Variants in HSP90AA1 observed in about 807,000 individuals in gnomAD.
The protein encoded by HSP90AA1 is heat shock protein 90 alpha family class A member 1.
HSP90AA1 carries 18 observed loss-of-function variants against 73.3 expected under a neutral mutation model. The observed-to-expected ratio is 0.25, with a 90% CI of 0.17 to 0.36. HSP90AA1 has a LOEUF of 0.36. Ranked by LOEUF, HSP90AA1 falls within the 10% of genes least tolerant of loss-of-function variation. The probability of loss-of-function intolerance (pLI) is 1.00; values close to 1 mark genes in which losing one functional copy is unlikely to be tolerated. For synonymous variants in HSP90AA1, 477 were observed against 296.9 expected, an observed-to-expected ratio of 1.61 and a Z score of -6.24; for missense variants, 704 against 874.2, an observed-to-expected ratio of 0.81 and a Z score of 2.45.
At chr14:102,101,937 T>C (rs1245247765) in exon 2 of HSP90AA1, 4 of 1,614,192 alleles carry the variant, frequency 2.5e-6, no homozygotes, top group South Asian at 2.2e-5. Flanking sequence ...GCACCTTGGC[T>C]CTGTCTGAAG....
chr14:102,139,338 G>A, exon 1 of HSP90AA1: 1 of 1,613,028 alleles, frequency 6.2e-7, no homozygotes, highest in Non-Finnish European at 8.5e-7. Context: ...CTCTGGGCGG[G>A]ACAGTCCCTG....
chr14:102,138,313 T>G (rs1053345037), intron 1 of HSP90AA1, among the ~76,000 whole-genome samples: 2 of 152,190 alleles, frequency 1.3e-5, no homozygotes, highest in Non-Finnish European at 2.9e-5. Context: ...ATCCTTCAAG[T>G]TGATTATTGT....
At chr14:102,118,962 C>T (rs1170455195) in intron 1 of HSP90AA1, among the ~76,000 whole-genome samples, 4 of 150,206 alleles carry the variant, frequency 2.7e-5, no homozygotes, top group Non-Finnish European at 5.9e-5. Context: ...TCAAGTGATT[C>T]TCCCACCTCA....
intron 1 of HSP90AA1, among the ~76,000 whole-genome samples, chr14:102,123,210 G>C (rs2049800374): frequency 6.6e-6 from 1 of 151,678 alleles, no homozygotes; most frequent in Non-Finnish European, 1.5e-5. Context: ...GCTTGACCAA[G>C]ATGGTGAAAC....
intron 1 of HSP90AA1, among the ~76,000 whole-genome samples, chr14:102,086,674 C>G (rs900089840): frequency 3.3e-5 from 5 of 150,888 alleles, no homozygotes; most frequent in South Asian, 2.1e-4. Context: ...CCACGGCGGC[C>G]TCCTCCGCCT....
At position 102,111,569 on chromosome 14, in the gene HSP90AA1, T is replaced by C. The variant is rs576445442; in HGVS notation, c.156-9484A>G. On this transcript the variant is annotated intron_variant, in intron 1 of 11. Transcript: ENST00000334701. ...GGAGAAACTGGCCCAAAACAAAGCATATCCTTTCACAGCTTCTTGAGAAGG... is the reference window on the plus strand; with the variant it reads ...GGAGAAACTGGCCCAAAACAAAGCACATCCTTTCACAGCTTCTTGAGAAGG... 4.6e-5 allele frequency among the ~76,000 whole-genome samples: 7 copies of C among 152,330 alleles called. 1 individual carries two copies. In the South Asian group the frequency reaches 1.5e-3, roughly 32 times the overall value.
intron 1 of HSP90AA1, among the ~76,000 whole-genome samples, chr14:102,123,369 C>A (rs1423875337): frequency 7.2e-5 from 11 of 152,036 alleles, no homozygotes; most frequent in Admixed American, 7.2e-4. Flanking sequence ...GTCTGGGCAA[C>A]AGAGCGAGAC....
chr14:102,115,454 A>G (rs999042740), intron 1 of HSP90AA1, among the ~76,000 whole-genome samples: 7 of 152,354 alleles, frequency 4.6e-5, no homozygotes, highest in Non-Finnish European at 1.0e-4. Context: ...TGGATTGAAG[A>G]GTACGTACAT....
intron 1 of HSP90AA1, among the ~76,000 whole-genome samples, chr14:102,110,662 C>G (rs1043683471): frequency 6.6e-6 from 1 of 151,438 alleles, no homozygotes; most frequent in Admixed American, 6.6e-5. Context: ...TCACTGCAAG[C>G]TCCGCCTCCC....
upstream of HSP90AA1, among the ~76,000 whole-genome samples, chr14:102,087,550 TC>T (rs1312873773): frequency 1.3e-5 from 2 of 151,810 alleles, no homozygotes; most frequent in African/African-American, 4.8e-5. Context: ...CCGGGAGACT[TC>T]CGGAGCCGTC....
chr14:102,081,887 T>C (rs2298877), intron 10 of HSP90AA1, 66 bp from the exon 11 acceptor site: 670,315 of 846,106 alleles, frequency 0.79, 272,628 homozygotes, highest in South Asian at 0.84. Context: ...GGTAATACTC[T>C]TGGTTTCTAT....
intron 2 of HSP90AA1, among the ~76,000 whole-genome samples, chr14:102,100,550 CGAG>C (rs984660057): frequency 6.6e-6 from 1 of 151,986 alleles, no homozygotes; most frequent in Non-Finnish European, 1.5e-5. Flanking sequence ...CTCAGCATCC[CGAG>C]TAGTTGGGAT....
chr14:102,122,255 T>C (rs1330091445), intron 1 of HSP90AA1, among the ~76,000 whole-genome samples: 4 of 151,156 alleles, frequency 2.6e-5, no homozygotes, highest in Non-Finnish European at 5.9e-5. Context: ...ACTTATTCCA[T>C]TTTAGGAAAA....
At chr14:102,138,923 T>G (rs371839979) in intron 1 of HSP90AA1, among the ~76,000 whole-genome samples, 1 of 152,086 alleles carries the variant, frequency 6.6e-6, no homozygotes, top group African/African-American at 2.4e-5. Flanking sequence ...GATCTACTAG[T>G]AAATAATCTC....
chr14:102,083,045 T>C lies in HSP90AA1; in HGVS notation c.1744A>G (p.Lys582Glu), dbSNP rs770022397. ...CKIMKDILEKKVEKVVVSNRL... is the reference protein window; with the variant it reads ...CKIMKDILEKEVEKVVVSNRL... Reference sequence around the variant, plus strand: ...CTGTATTCACATACCTTTTCAACTTTTTTCTCCAATATGTCTTTCATGATT... The same window carrying C: ...CTGTATTCACATACCTTTTCAACTTCTTTCTCCAATATGTCTTTCATGATT... Residue 582 changes from lysine (K) to glutamate (E), a missense_variant, in exon 9 of 11, where the codon AAA becomes GAA. Physicochemically the swap from Lys to Glu is moderately conservative, Grantham distance 56. Coordinates refer to ENST00000216281, the MANE Select transcript of HSP90AA1 (RefSeq NM_005348.4). 2 of 1,613,952 alleles carry C rather than the reference T, an allele frequency of 1.2e-6. No homozygotes were observed. Among genetic ancestry groups the C allele is most frequent in the Admixed American group, 3.3e-5 (2 of 60,028 alleles).
intron 3 of HSP90AA1, 60 bp from the exon 4 acceptor site, chr14:102,085,491 C>A: frequency 6.8e-7 from 1 of 1,476,812 alleles, no homozygotes; most frequent in Admixed American, 1.7e-5. Flanking sequence ...AACGCCATGC[C>A]TAACACCCTT....
chr14:102,086,822 C>T (rs1418586172), intron 1 of HSP90AA1, among the ~76,000 whole-genome samples, 164 bp downstream of exon 1: 4 of 151,826 alleles, frequency 2.6e-5, no homozygotes, highest in African/African-American at 9.7e-5. Context: ...GTGCGGAAAC[C>T]GCAGCGGTCC....
chr14:102,083,057 T>G lies in HSP90AA1; in HGVS notation c.1732A>C (p.Ile578Leu). The G allele has an allele frequency of 6.2e-7, 1 of 1,613,954 alleles. No individual in the cohort carries two copies. The highest frequency in any genetic ancestry group is 8.5e-7 in the Non-Finnish European group (1 of 1,179,810). Residue 578 changes from isoleucine (I) to leucine (L), a missense_variant, in exon 9 of 11, where the codon ATA (isoleucine) becomes CTA (leucine). Transcript: ENST00000216281. Reference sequence around the variant, plus strand: ...ACCTTTTCAACTTTTTTCTCCAATATGTCTTTCATGATTTTGCAGAGGTTC... The same window carrying G: ...ACCTTTTCAACTTTTTTCTCCAATAGGTCTTTCATGATTTTGCAGAGGTTC... Reference protein sequence around the residue: ...FENLCKIMKDILEKKVEKVVV... With the variant: ...FENLCKIMKDLLEKKVEKVVV...
chr14:102,089,347 A>G (rs893927029), upstream of HSP90AA1, among the ~76,000 whole-genome samples: 1 of 152,074 alleles, frequency 6.6e-6, no homozygotes, highest in Non-Finnish European at 1.5e-5. Flanking sequence ...GTCAGGCCCC[A>G]TCTTTAATGT....
Sources: gnomAD v4.1 joint callset for allele counts (sites outside exome capture counted in the v4.1 genomes callset) on GRCh38, gnomAD v4.1.1 for gene constraint, MANE v1.5 for transcripts, NCBI Gene and HGNC (gene_info 2026-07-23, HGNC 2026-07-21) for gene names.